The following ACBD6 variants were observed in gnomAD, a reference collection of about 807,000 sequenced individuals.
ACBD6 encodes acyl-CoA binding domain containing 6.
ACBD6 carries 28 observed loss-of-function variants against 37.2 expected under a neutral mutation model. The observed-to-expected ratio is 0.75, with a 90% CI of 0.56 to 1.03. The LOEUF is 1.03. ACBD6 is among the 50% of genes least tolerant of loss of function. The pLI, the probability that ACBD6 is intolerant of heterozygous loss-of-function variation, is 0.00. For missense variants in ACBD6, 340 were observed against 337.4 expected (o/e 1.01, Z -0.06); for synonymous variants, 113 against 126.8 (o/e 0.89, Z 0.73).
At chr1:180,410,139 G>T (rs1011704741) in intron 5 of ACBD6, among the ~76,000 whole-genome samples, 1 of 152,260 alleles carries the variant, frequency 6.6e-6, no homozygotes, top group Admixed American at 6.5e-5. Context: ...GTCTATGAAG[G>T]TTGAGAAAGG....
intron 3 of ACBD6, among the ~76,000 whole-genome samples, chr1:180,467,448 C>CAAAAAA (rs57941230): frequency 1.2e-3 from 89 of 72,452 alleles, no homozygotes; most frequent in Admixed American, 1.5e-3. Flanking sequence ...TCCATCTCTG[C>CAAAAAA]AAAAAAAAAA....
exon 14 of ACBD6, chr1:180,270,719 T>C (rs1276683123): frequency 6.3e-6 from 1 of 158,134 alleles, no homozygotes; most frequent in Non-Finnish European, 1.4e-5. Flanking sequence ...ATTTATACAA[T>C]AAAAACTAAA....
chr1:180,320,025 G>A (rs1650998083), intron 6 of ACBD6, among the ~76,000 whole-genome samples: 1 of 152,172 alleles, frequency 6.6e-6, no homozygotes, highest in Non-Finnish European at 1.5e-5. Context: ...ATACCCAGCA[G>A]TGGGATTGCT....
chr1:180,437,967 G>A (rs1458134444), intron 3 of ACBD6, among the ~76,000 whole-genome samples: 1 of 152,170 alleles, frequency 6.6e-6, no homozygotes, highest in Non-Finnish European at 1.5e-5. Flanking sequence ...CAACCCCTGG[G>A]CTGCAGGCCA....
At chr1:180,283,252 T>C (rs866268408), downstream of ACBD6, among the ~76,000 whole-genome samples, 8 of 152,160 alleles carry the variant, frequency 5.3e-5, no homozygotes, top group South Asian at 4.1e-4. Flanking sequence ...CTGCTTTTAG[T>C]GCGTATAAAT....
At chr1:180,399,448 T>A (rs1027499577) in intron 5 of ACBD6, among the ~76,000 whole-genome samples, 3 of 151,988 alleles carry the variant, frequency 2.0e-5, no homozygotes, top group Admixed American at 2.0e-4. Context: ...GTATTTCTTT[T>A]TAGTAGAGAT....
intron 3 of ACBD6, among the ~76,000 whole-genome samples, chr1:180,467,239 C>G (rs1054398478): frequency 6.6e-6 from 1 of 151,758 alleles, no homozygotes; most frequent in Non-Finnish European, 1.5e-5. Context: ...GCTACCACAC[C>G]CAGCATGTAG....
chr1:180,487,556 T>C (rs1457805429), intron 3 of ACBD6, among the ~76,000 whole-genome samples: 2 of 152,164 alleles, frequency 1.3e-5, no homozygotes. Flanking sequence ...TGCAGTACCA[T>C]GTTTGTGTTC....
intron 6 of ACBD6, among the ~76,000 whole-genome samples, chr1:180,358,565 C>T (rs200643618): frequency 9.4e-6 from 1 of 106,606 alleles, no homozygotes; most frequent in Non-Finnish European, 2.1e-5. Context: ...CCAAAAAAAA[C>T]CCCAAAAGAA....
At chr1:180,273,625 C>CAGTGAAGA (rs1648827677) in intron 11 of ACBD6, 1 of 152,962 alleles carries the variant, frequency 6.5e-6, no homozygotes, top group African/African-American at 2.4e-5. Context: ...TCTTTGTCCC[C>CAGTGAAGA]AGTGAAGAGC....
intron 3 of ACBD6, among the ~76,000 whole-genome samples, chr1:180,453,440 A>T (rs1167362718): frequency 6.6e-6 from 1 of 152,248 alleles, no homozygotes; most frequent in East Asian, 1.9e-4. Context: ...AGCCAATATC[A>T]TATTGAATGG....
intron 4 of ACBD6, among the ~76,000 whole-genome samples, chr1:180,415,659 GA>G (rs1178320578): frequency 6.6e-6 from 1 of 152,186 alleles, no homozygotes; most frequent in Non-Finnish European, 1.5e-5. Flanking sequence ...AAGGAAAGCA[GA>G]AGGATCCTTG....
Position 180,314,069 on chromosome 1 carries a change from T to C in ACBD6, c.694+623A>G, listed in dbSNP as rs1650695619. Among the ~76,000 whole-genome samples, 6 of 152,192 alleles carry C rather than the reference T, an allele frequency of 3.9e-5. No individual in the cohort carries two copies. In the South Asian group the frequency reaches 1.2e-3, roughly 31 times the overall value. On this transcript the variant is annotated intron_variant, in intron 7 of 7. Coordinates refer to ENST00000367595, the MANE Select transcript of ACBD6 (RefSeq NM_032360.4). ...AAAATATTTCTTGTAGGAGAGATGC[T>C]AGATTTTACAGTGACCATGATTTTA...
chr1:180,436,098 C>A (rs182940216), intron 3 of ACBD6, among the ~76,000 whole-genome samples: 402 of 152,286 alleles, frequency 2.6e-3, no homozygotes, highest in African/African-American at 9.4e-3. Flanking sequence ...AGATGTTACC[C>A]TTTCAGAGGT....
At chr1:180,466,498 T>A (rs1650350937) in intron 3 of ACBD6, among the ~76,000 whole-genome samples, 1 of 152,200 alleles carries the variant, frequency 6.6e-6, no homozygotes. Flanking sequence ...TTGATTATAG[T>A]GTTCATGCAA....
intron 3 of ACBD6, among the ~76,000 whole-genome samples, chr1:180,461,415 C>A (rs1650142069): frequency 6.6e-6 from 1 of 152,052 alleles, no homozygotes; most frequent in Non-Finnish European, 1.5e-5. Context: ...ATGCAGAGAA[C>A]CCCAGTAAGA....
At chr1:180,448,492 GTTC>G (rs2102022887) in intron 3 of ACBD6, among the ~76,000 whole-genome samples, 2 of 152,124 alleles carry the variant, frequency 1.3e-5, no homozygotes, top group East Asian at 3.9e-4. Context: ...GCCCCCTCTG[GTTC>G]TTCTTTTTCC....
downstream of ACBD6, among the ~76,000 whole-genome samples, chr1:180,285,241 A>C (rs574208425): frequency 9.1e-4 from 138 of 152,342 alleles, no homozygotes; most frequent in African/African-American, 3.2e-3. Context: ...CTAAGAAAAA[A>C]TGCTGGCAAC....
chr1:180,327,184 CA>C (rs1651286955), intron 6 of ACBD6, among the ~76,000 whole-genome samples: 1 of 152,194 alleles, frequency 6.6e-6, no homozygotes, highest in Non-Finnish European at 1.5e-5. Context: ...TATCAAAACT[CA>C]AGTTCCTATC....
Sources: allele counts gnomAD v4.1 joint callset (sites outside exome capture counted in the v4.1 genomes callset), GRCh38; gene constraint gnomAD v4.1.1; transcripts MANE v1.5; gene names NCBI Gene and HGNC (gene_info 2026-07-23, HGNC 2026-07-21).